EPHB1: variants seen among roughly 807,000 people sequenced by gnomAD.
EPHB1 encodes the protein EPH receptor B1, also known as ephrin type-B receptor 1.
Under a neutral mutation model 94.4 loss-of-function variants are expected in EPHB1, and 30 were observed. The ratio of observed to expected loss-of-function variants is 0.32; its 90% CI spans 0.24 to 0.43. The LOEUF (loss-of-function observed/expected upper bound fraction) is 0.43, where lower values mean the gene tolerates loss of function less well. EPHB1 is among the 20% of genes least tolerant of loss of function. EPHB1 has a pLI of 1.00. For missense variants in EPHB1, 1,055 were observed against 1,308.3 expected (o/e 0.81, Z 2.99); for synonymous variants, 522 against 489.1 (o/e 1.07, Z -0.89).
chr3:135,005,357 T>C (rs1935358791), intron 3 of EPHB1, among the ~76,000 whole-genome samples: 1 of 152,202 alleles, frequency 6.6e-6, no homozygotes, highest in Admixed American at 6.5e-5. Flanking sequence ...ACTGCTCTCT[T>C]CAAAGCTGTC....
chr3:134,961,349 C>T lies in EPHB1; in HGVS notation c.805+9297C>T, dbSNP rs76678703. Among the ~76,000 whole-genome samples, 357 of 152,324 alleles carry T rather than the reference C, an allele frequency of 2.3e-3. 1 individual carries two copies. The highest frequency in any genetic ancestry group is 7.7e-3 in the African/African-American group (319 of 41,572). ...CCCATGACCCCACTTTGCTCTTCCA[C>T]AGTGGTCCTCAGCCTAATTTTAGAC... On this transcript the variant is annotated intron_variant, in intron 3 of 15. Coordinates refer to ENST00000398015, the MANE Select transcript of EPHB1 (RefSeq NM_004441.5).
intron 1 of EPHB1, among the ~76,000 whole-genome samples, chr3:134,882,770 CT>C (rs1491128268): frequency 2.4e-5 from 1 of 42,474 alleles, no homozygotes; most frequent in Non-Finnish European, 5.7e-5. Context: ...TCCTTCCTTT[CT>C]TTCTTTCTTT....
chr3:135,148,656 C>A (rs1016290589), intron 5 of EPHB1, among the ~76,000 whole-genome samples: 8 of 152,216 alleles, frequency 5.3e-5, no homozygotes, highest in African/African-American at 1.4e-4. Context: ...TTATTCACAT[C>A]TCCTTTGTCA....
At chr3:135,242,631 T>A (rs1943813796) in intron 13 of EPHB1, among the ~76,000 whole-genome samples, 1 of 152,148 alleles carries the variant, frequency 6.6e-6, no homozygotes, top group Non-Finnish European at 1.5e-5. Flanking sequence ...GTCTAGGTCC[T>A]CTATTATCTG....
chr3:135,229,713 A>G (rs1408554247), intron 12 of EPHB1, among the ~76,000 whole-genome samples: 2 of 152,198 alleles, frequency 1.3e-5, no homozygotes, highest in African/African-American at 4.8e-5. Flanking sequence ...GAGAGCCCCA[A>G]CCTTCTCCAG....
chr3:135,023,728 G>A (rs995762433), intron 3 of EPHB1, among the ~76,000 whole-genome samples: 4 of 152,114 alleles, frequency 2.6e-5, no homozygotes, highest in African/African-American at 9.7e-5. Context: ...CTAGGACTGT[G>A]TCAATTTGTA....
At chr3:134,844,218 A>G (rs1482275479) in intron 1 of EPHB1, among the ~76,000 whole-genome samples, 1 of 152,178 alleles carries the variant, frequency 6.6e-6, no homozygotes, top group East Asian at 1.9e-4. Flanking sequence ...ACGGTCTGCC[A>G]ATGATTAGAC....
intron 3 of EPHB1, among the ~76,000 whole-genome samples, chr3:135,098,075 A>G (rs974548927): frequency 2.6e-5 from 4 of 152,150 alleles, no homozygotes; most frequent in African/African-American, 9.7e-5. Context: ...GACCTCTGTC[A>G]CAGAGCATCT....
rs747959179 is a variant in EPHB1 at position 135,241,204 on chromosome 3, C to T, written c.2403C>T (p.Phe801=). The part of the protein sequence containing the change: ...TAPEAIAYRK[F]TSASDVWSYG... ...CAGAGGCCATCGCCTACCGCAAGTT[C>T]ACTTCAGCCAGCGACGTTTGGAGCT... The change falls in exon 13 of 16, where the codon TTC becomes TTT. Residue 801 remains phenylalanine (F), a synonymous_variant. Transcript: ENST00000398015. 8.1e-6 allele frequency: 13 copies of T among 1,614,078 alleles called. No homozygotes were observed. The South Asian group carries it at 1.4e-4, about 18-fold the overall frequency.
chr3:134,861,269 CCAGGATATTTAAG>C (rs1469698517), intron 1 of EPHB1, among the ~76,000 whole-genome samples: 1 of 152,108 alleles, frequency 6.6e-6, no homozygotes, highest in Non-Finnish European at 1.5e-5. Context: ...TTGTCAAGGG[CCAGGATATTTAAG>C]CAGAAAGCAG....
intron 3 of EPHB1, among the ~76,000 whole-genome samples, chr3:135,060,251 A>C (rs1190899640): frequency 1.3e-5 from 2 of 152,172 alleles, no homozygotes; most frequent in Non-Finnish European, 1.5e-5. Flanking sequence ...CCTACTCTGG[A>C]CATTTTATAT....
chr3:135,114,537 T>TAAAAAA (rs56100882), intron 4 of EPHB1, among the ~76,000 whole-genome samples: 6 of 37,212 alleles, frequency 1.6e-4, no homozygotes, highest in South Asian at 1.5e-3. Flanking sequence ...CTGTCTCTAC[T>TAAAAAA]AAAAAAAAAA....
intron 5 of EPHB1, among the ~76,000 whole-genome samples, chr3:135,149,985 A>G (rs1354427740): frequency 2.0e-5 from 3 of 152,096 alleles, no homozygotes; most frequent in Non-Finnish European, 4.4e-5. Context: ...TCTGACCCCA[A>G]CTAGACTCCT....
intron 2 of EPHB1, among the ~76,000 whole-genome samples, chr3:134,948,760 G>C (rs2039264024): frequency 6.6e-6 from 1 of 152,272 alleles, no homozygotes; most frequent in Non-Finnish European, 1.5e-5. Context: ...CTCCAGCGAT[G>C]TGCTGCAGCC....
At chr3:135,144,770 A>T (rs3772648) in intron 5 of EPHB1, among the ~76,000 whole-genome samples, 33,333 of 152,028 alleles carry the variant, frequency 0.22, 4,732 homozygotes, top group East Asian at 0.57. Flanking sequence ...TGAAGCCCTC[A>T]CTTTTTATCC....
rs72971618 is a variant in EPHB1, at chr3:134,913,515, G to A, written c.59-12301G>A. ...GGAAAACTCAGAGGGATAATACAGC[G>A]GCTTTCTCACCCCCTTCCCAAGTGC... On this transcript the variant is annotated intron_variant, in intron 1 of 15. Transcript: ENST00000398015. Among the ~76,000 whole-genome samples the A allele has an allele frequency of 9.9e-3, 1,501 of 152,250 alleles. 23 individuals carry two copies. The highest frequency in any genetic ancestry group is 0.033 in the African/African-American group (1,385 of 41,528).
rs188113960 is a variant in EPHB1 at position 135,177,096 on chromosome 3, G to C, written c.1760-2764G>C. On this transcript the variant is annotated intron_variant, in intron 9 of 15. Coordinates refer to ENST00000398015, the MANE Select transcript of EPHB1 (RefSeq NM_004441.5). ...AGGCACTGTGCTAGGTATGTCGTCA[G>C]CAATATGTTCTTTAATCTCACAGCC... is the stretch of plus-strand genomic sequence containing the variant. Among the ~76,000 whole-genome samples the C allele has an allele frequency of 9.2e-5, 14 of 152,230 alleles. No individual in the cohort carries two copies. The East Asian group carries it at 2.1e-3, about 23-fold the overall frequency.
At chr3:135,058,927 G>C (rs539898318) in intron 3 of EPHB1, among the ~76,000 whole-genome samples, 3 of 152,170 alleles carry the variant, frequency 2.0e-5, no homozygotes, top group Non-Finnish European at 4.4e-5. Context: ...ATTTGCCATA[G>C]GAAGATTTTA....
intron 4 of EPHB1, among the ~76,000 whole-genome samples, chr3:135,110,117 T>G (rs771550772): frequency 6.6e-6 from 1 of 152,212 alleles, no homozygotes; most frequent in Non-Finnish European, 1.5e-5. Context: ...ATAAAATTGC[T>G]GCCTGTGAAA....
Sources: gnomAD v4.1 joint callset for allele counts (sites outside exome capture counted in the v4.1 genomes callset) on GRCh38, gnomAD v4.1.1 for gene constraint, MANE v1.5 for transcripts, NCBI Gene and HGNC (gene_info 2026-07-23, HGNC 2026-07-21) for gene names.